KIF4A: variants seen among roughly 807,000 people sequenced by gnomAD.
KIF4A encodes the protein chromosome-associated kinesin KIF4A.
A neutral mutation model predicts 105.9 loss-of-function variants in KIF4A; 7 were observed. The observed-to-expected ratio is 0.07, with a 90% CI of 0.04 to 0.12. The LOEUF (loss-of-function observed/expected upper bound fraction) is 0.12. Among genes scored for constraint, KIF4A ranks in the 10% least tolerant of loss-of-function variants. The probability of loss-of-function intolerance (pLI) is 1.00; values close to 1 mark genes in which losing one functional copy is unlikely to be tolerated. For synonymous variants in KIF4A, 281 were observed against 331.3 expected (o/e 0.85, Z 1.65); for missense variants, 558 against 929.2 (o/e 0.60, Z 5.19).
At chrX:70,411,977 TAC>T (rs747340719) in intron 28 of KIF4A, among the ~76,000 whole-genome samples, 84 of 105,638 alleles carry the variant, frequency 8.0e-4, no homozygotes, top group Middle Eastern at 5.0e-3. Flanking sequence ...GCAGTTGTGA[TAC>T]ACACACACAC....
chrX:70,384,510 C>G (rs1385200336), intron 18 of KIF4A, among the ~76,000 whole-genome samples: 1 of 110,251 alleles, frequency 9.1e-6, no homozygotes, highest in African/African-American at 3.3e-5. Flanking sequence ...ATCACGAGGT[C>G]AGGAGTTCGA....
At chrX:70,385,426 CTG>C (rs2086214106) in intron 18 of KIF4A, among the ~76,000 whole-genome samples, 1 of 112,204 alleles carries the variant, frequency 8.9e-6, no homozygotes, top group African/African-American at 3.2e-5. Context: ...AGTCCTCTGA[CTG>C]TGTTTCTTTA....
intron 15 of KIF4A, among the ~76,000 whole-genome samples, chrX:70,368,213 G>A (rs923505873): frequency 6.3e-5 from 7 of 111,688 alleles, no homozygotes; most frequent in African/African-American, 1.6e-4. Context: ...CCTTTAGCTC[G>A]GAGTAGTTTG....
chrX:70,363,978 C>G (rs1233055102), intron 15 of KIF4A, among the ~76,000 whole-genome samples: 4 of 112,360 alleles, frequency 3.6e-5, no homozygotes, highest in Non-Finnish European at 7.5e-5. Context: ...ATTTGCATTT[C>G]TCTGATGGCC....
intron 18 of KIF4A, among the ~76,000 whole-genome samples, chrX:70,383,258 A>G (rs1043607897): frequency 4.5e-5 from 5 of 111,761 alleles, no homozygotes; most frequent in Middle Eastern, 4.6e-3. Flanking sequence ...GGGCAAAGCA[A>G]TAAGTACATG....
At chrX:70,364,729 T>G (rs2086093438) in intron 15 of KIF4A, among the ~76,000 whole-genome samples, 1 of 111,871 alleles carries the variant, frequency 8.9e-6, no homozygotes, top group Admixed American at 9.5e-5. Context: ...TGCAGGCTCT[T>G]TTTTTGTTTC....
At position 70,388,877 on chromosome X, in the gene KIF4A, G is replaced by A. The variant is rs1030752368; in HGVS notation, c.2232+1580G>A. On this transcript the variant is annotated intron_variant, in intron 20 of 30. Transcript: ENST00000374403. Reference sequence around the variant, plus strand: ...TCAATTTGTAACAGTGTCTTTTGAAGAGCAAACATTTATTATGTTAATGCC... The same window carrying A: ...TCAATTTGTAACAGTGTCTTTTGAAAAGCAAACATTTATTATGTTAATGCC... Among the ~76,000 whole-genome samples, 7 of 112,108 alleles carry A rather than the reference G, an allele frequency of 6.2e-5. No individual in the cohort carries two copies. In the East Asian group the frequency reaches 1.9e-3, roughly 31 times the overall value.
chrX:70,354,314 C>T (rs758159964), intron 15 of KIF4A, among the ~76,000 whole-genome samples: 5 of 112,336 alleles, frequency 4.5e-5, no homozygotes, highest in African/African-American at 1.6e-4. Context: ...TTGCTCCAGA[C>T]TTATTTTCCC....
intron 15 of KIF4A, among the ~76,000 whole-genome samples, chrX:70,368,314 G>C (rs1002778910): frequency 6.2e-5 from 7 of 112,302 alleles, no homozygotes; most frequent in Non-Finnish European, 1.1e-4. Context: ...TTTGGAGGAG[G>C]AGAGCTGCTC....
Position 70,353,903 on chromosome X carries a change from GACA to G in KIF4A, c.1674+101_1674+103del, listed in dbSNP as rs778410392. On this transcript the variant is annotated intron_variant, in intron 15 of 30. Transcript: ENST00000374403. ...AGCATATAATTTTTGATGATGAAAA[GACA>G]ACAAAATGTATATAGTATAATGGGA... 37 of 730,421 alleles carry G rather than the reference GACA, an allele frequency of 5.1e-5. No homozygotes were observed. The East Asian group carries it at 1.3e-3, about 26-fold the overall frequency. 60.2% of individuals were successfully genotyped at this position (730,421 alleles called of 1,213,427 possible).
chrX:70,390,986 C>T (rs1043561505), intron 20 of KIF4A, among the ~76,000 whole-genome samples: 3 of 112,065 alleles, frequency 2.7e-5, no homozygotes, highest in African/African-American at 9.7e-5. Context: ...GGATATACCA[C>T]AGTTTGTTTA....
intron 7 of KIF4A, among the ~76,000 whole-genome samples, chrX:70,327,140 CAT>C (rs2085914117): frequency 9.0e-6 from 1 of 111,730 alleles, no homozygotes; most frequent in African/African-American, 3.3e-5. Flanking sequence ...AATGGACTAA[CAT>C]AGGATTTAGT....
intron 22 of KIF4A, among the ~76,000 whole-genome samples, chrX:70,401,300 G>A (rs1348392711): frequency 1.8e-5 from 2 of 109,137 alleles, no homozygotes; most frequent in African/African-American, 3.3e-5. Context: ...GGATGGTCTC[G>A]ATCTCCTGAC....
Position 70,387,238 on chromosome X carries a change from G to A in KIF4A, c.2173G>A (p.Ala725Thr), listed in dbSNP as rs748465064. 3 of 1,190,621 alleles carry A rather than the reference G, an allele frequency of 2.5e-6. No individual in the cohort carries two copies. The highest frequency in any genetic ancestry group is 3.4e-6 in the Non-Finnish European group (3 of 884,811). The change falls in exon 20 of 31, where the codon GCA becomes ACA. Residue 725 changes from alanine (A) to threonine (T), a missense_variant. This residue lies in a region of KIF4A where 469 missense variants were observed against 680.4 expected (regional missense o/e 0.69). Coordinates refer to ENST00000374403, the MANE Select transcript of KIF4A (RefSeq NM_012310.5). ...KDALQKQREV[A>T]DKRKETQSRG... ...TGCTCTCCAGAAACAACGGGAGGTT[G>A]CAGATAAGCGGAAAGAGACTCAGAG...
rs1194311070 is a variant in KIF4A at position 70,387,252 on chromosome X, A to G, written c.2187A>G (p.Lys729=). The G allele has an allele frequency of 2.5e-6, 3 of 1,189,114 alleles. No homozygotes were observed. Among genetic ancestry groups the G allele is most frequent in the Admixed American group, 2.3e-5 (1 of 43,241 alleles). ...AACGGGAGGTTGCAGATAAGCGGAAAGAGACTCAGAGCCGTGGAATGGAAG... is the reference window on the plus strand; with the variant it reads ...AACGGGAGGTTGCAGATAAGCGGAAGGAGACTCAGAGCCGTGGAATGGAAG... ...QKQREVADKR[K]ETQSRGMEGT... is the part of the protein sequence containing the mutation. Residue 729 remains lysine (K), a synonymous_variant, in exon 20 of 31, where the codon AAA becomes AAG. Transcript: ENST00000374403.
intron 7 of KIF4A, among the ~76,000 whole-genome samples, chrX:70,313,119 C>T: frequency 9.0e-6 from 1 of 111,546 alleles, no homozygotes; most frequent in Admixed American, 9.5e-5. Flanking sequence ...GTTATTTTCT[C>T]ACAGTATGAC....
chrX:70,321,223 C>T (rs1380407762), intron 7 of KIF4A, among the ~76,000 whole-genome samples: 1 of 111,816 alleles, frequency 8.9e-6, no homozygotes, highest in Non-Finnish European at 1.9e-5. Flanking sequence ...TCTTTGCACA[C>T]TTTCATCACA....
At chrX:70,402,471 A>G (rs1211292841) in intron 22 of KIF4A, 95 bp from the exon 23 acceptor site, 2 of 979,962 alleles carry the variant, frequency 2.0e-6, no homozygotes, top group Non-Finnish European at 2.8e-6. Context: ...TGATAGCTCC[A>G]TCCATAAAAT....
At chrX:70,372,593 G>A (rs1425926331) in intron 15 of KIF4A, among the ~76,000 whole-genome samples, 1 of 114,271 alleles carries the variant, frequency 8.8e-6, no homozygotes, top group Admixed American at 9.1e-5. Flanking sequence ...GATGGCAGCA[G>A]TACAGTCCAG....
Sources: gnomAD v4.1 joint callset for allele counts (sites outside exome capture counted in the v4.1 genomes callset) on GRCh38, gnomAD v4.1.1 for gene constraint, gnomAD v4.1.1 regional missense constraint, MANE v1.5 for transcripts, NCBI Gene and HGNC (gene_info 2026-07-23, HGNC 2026-07-21) for gene names.